The following PLPP1 variants were observed in gnomAD, a reference collection of about 807,000 sequenced individuals.
PLPP1 encodes the protein phospholipid phosphatase 1, also known as lipid phosphate phosphohydrolase 1a.
Under a neutral mutation model 31.2 loss-of-function variants are expected in PLPP1, and 24 were observed. The observed-to-expected ratio is 0.77, with a 90% confidence interval of 0.56 to 1.08. The LOEUF (loss-of-function observed/expected upper bound fraction) is 1.08, where lower values mean the gene tolerates loss of function less well. PLPP1 is among the 50% of genes least tolerant of loss of function. PLPP1 has a pLI of 0.00. For synonymous variants in PLPP1, 146 were observed against 126.3 expected (o/e 1.16, Z -1.05); for missense variants, 319 against 342.7 (o/e 0.93, Z 0.55).
intron 1 of PLPP1, among the ~76,000 whole-genome samples, chr5:55,534,365 C>G (rs1740800508): frequency 6.6e-6 from 1 of 152,202 alleles, no homozygotes; most frequent in African/African-American, 2.4e-5. Flanking sequence ...GCTCATCGCA[C>G]CGGCGGGCGA....
intron 1 of PLPP1, among the ~76,000 whole-genome samples, chr5:55,512,223 CA>C (rs1346334994): frequency 1.3e-5 from 2 of 151,890 alleles, no homozygotes; most frequent in Non-Finnish European, 2.9e-5. Context: ...ATAATCCCAG[CA>C]ATTTGGGAGG....
rs1338353803 is a variant in PLPP1, at chr5:55,534,659, G to A, written c.-30C>T. The stretch of plus-strand genomic sequence containing the variant: ...TCTGCCCGGGCTGCCCGGCAAGGGC[G>A]ATGGACTGAGCTGCGGGACGGCGGC... On this transcript the variant is annotated 5_prime_UTR_variant, in exon 1 of 6. Coordinates refer to ENST00000307259, the MANE Select transcript of PLPP1 (RefSeq NM_003711.4). 1 of 1,529,962 alleles carries A rather than the reference G, an allele frequency of 6.5e-7. No individual in the cohort carries two copies. The highest frequency in any genetic ancestry group is 1.4e-5 in the African/African-American group (1 of 70,250). The allele number at this position is 1,529,962 out of a possible 1,614,324, so 94.8% of individuals were successfully genotyped here. A position where few individuals can be genotyped will look rare whatever the true frequency, so the allele number is the denominator to read the frequency against.
intron 1 of PLPP1, among the ~76,000 whole-genome samples, 188 bp downstream of exon 1, chr5:55,534,384 G>T (rs1430103101): frequency 6.6e-6 from 1 of 152,238 alleles, no homozygotes; most frequent in Admixed American, 6.5e-5. Flanking sequence ...GACAGACAGC[G>T]GCGGGCACGC....
chr5:55,485,591 GA>G (rs11357647), intron 1 of PLPP1, among the ~76,000 whole-genome samples: 128,191 of 151,916 alleles, frequency 0.84, 54,473 homozygotes, highest in South Asian at 0.92. Flanking sequence ...TCAGGTATAT[GA>G]AAAATGAAAA....
intron 3 of PLPP1, among the ~76,000 whole-genome samples, chr5:55,466,574 G>A (rs572554230): frequency 2.6e-5 from 4 of 151,990 alleles, no homozygotes; most frequent in East Asian, 1.9e-4. Flanking sequence ...ATGGTGGCAC[G>A]TGCCTGTAGT....
At chr5:55,427,953 TTGTC>T (rs1358454107) in intron 4 of PLPP1, among the ~76,000 whole-genome samples, 4 of 151,888 alleles carry the variant, frequency 2.6e-5, no homozygotes, top group Non-Finnish European at 4.4e-5. Context: ...TCCCAGGTAA[TTGTC>T]TGTATTTTTA....
rs35404645 is a variant in PLPP1, at chr5:55,442,651, C to CAAA, written c.492-746_492-744dup. On this transcript the variant is annotated intron_variant, in intron 3 of 5. Coordinates refer to ENST00000307259, the MANE Select transcript of PLPP1 (RefSeq NM_003711.4). ...TGGGTGACAGAGGGAGACGCCATCT[C>CAAA]AAAAAAAAAAAAATTTGGTGTTTTA... 1.7e-3 allele frequency among the ~76,000 whole-genome samples: 246 copies of CAAA among 145,102 alleles called. 3 individuals are homozygous for CAAA. Among genetic ancestry groups the CAAA allele is most frequent in the South Asian group, 9.6e-3 (43 of 4,458 alleles).
intron 1 of PLPP1, chr5:55,491,188 T>C: frequency 2.0e-6 from 3 of 1,489,308 alleles, no homozygotes; most frequent in Admixed American, 2.0e-5. Flanking sequence ...GTCTACTGAA[T>C]GGGATGCAAA....
At chr5:55,496,110 G>A (rs1346029548) in intron 1 of PLPP1, among the ~76,000 whole-genome samples, 2 of 151,928 alleles carry the variant, frequency 1.3e-5, no homozygotes, top group Non-Finnish European at 2.9e-5. Flanking sequence ...CACCTGCCTC[G>A]GCCTCCCAAA....
At chr5:55,487,031 G>C (rs1362924875) in intron 1 of PLPP1, among the ~76,000 whole-genome samples, 1 of 152,096 alleles carries the variant, frequency 6.6e-6, no homozygotes, top group Non-Finnish European at 1.5e-5. Context: ...CACAAACATT[G>C]GCTATACTGT....
intron 4 of PLPP1, among the ~76,000 whole-genome samples, chr5:55,440,804 C>T (rs921777805): frequency 3.3e-5 from 5 of 152,092 alleles, no homozygotes; most frequent in Admixed American, 6.6e-5. Context: ...TTAGTTTACC[C>T]TTAATGTTAC....
chr5:55,525,169 G>A (rs1451194561), intron 1 of PLPP1, among the ~76,000 whole-genome samples: 1 of 152,150 alleles, frequency 6.6e-6, no homozygotes, highest in Non-Finnish European at 1.5e-5. Context: ...ACTAGTTGAT[G>A]TTATTTCTAC....
chr5:55,529,013 G>A (rs923196851), intron 1 of PLPP1, among the ~76,000 whole-genome samples: 1 of 151,972 alleles, frequency 6.6e-6, no homozygotes, highest in African/African-American at 2.4e-5. Context: ...TTATATCTGA[G>A]AATAAGAAAT....
In PLPP1 at chr5:55,443,212, T is replaced by C. The variant is rs7356788; in HGVS notation, c.492-1304A>G. ...AAAAAAATATATATATATATATATA[T>C]ACACACACACACACACACACACATA... is the stretch of plus-strand genomic sequence containing the variant. On this transcript the variant is annotated intron_variant, in intron 3 of 5. Coordinates refer to ENST00000307259, the MANE Select transcript of PLPP1 (RefSeq NM_003711.4). 7.9e-3 allele frequency among the ~76,000 whole-genome samples: 826 copies of C among 104,974 alleles called. 13 individuals are homozygous for C. The highest frequency in any genetic ancestry group is 0.029 in the East Asian group (106 of 3,718). 68.9% of individuals were successfully genotyped at this position (104,974 alleles called of 152,430 possible). A position where few individuals can be genotyped will look rare whatever the true frequency, so the allele number is the denominator to read the frequency against.
chr5:55,508,207 G>A (rs1428232400), intron 1 of PLPP1, among the ~76,000 whole-genome samples: 1 of 152,046 alleles, frequency 6.6e-6, no homozygotes, highest in African/African-American at 2.4e-5. Context: ...CCTCCCCAAA[G>A]GGACCCAGGG....
chr5:55,515,981 C>T (rs941690906), intron 1 of PLPP1, among the ~76,000 whole-genome samples: 2 of 152,162 alleles, frequency 1.3e-5, no homozygotes, highest in African/African-American at 4.8e-5. Context: ...ACTTACATGC[C>T]CCAAACCAAA....
intron 1 of PLPP1, among the ~76,000 whole-genome samples, chr5:55,483,601 G>A (rs1231109173): frequency 6.6e-6 from 1 of 151,176 alleles, no homozygotes; most frequent in African/African-American, 2.4e-5. Flanking sequence ...AAACCCAGGA[G>A]GCAGAGGTTG....
chr5:55,500,761 T>C lies in PLPP1; in HGVS notation c.59-25311A>G, dbSNP rs1202963687. On this transcript the variant is annotated intron_variant, in intron 1 of 5. Transcript: ENST00000307259. ...CAAGGCCAGAGGCAAGAAATACCAG[T>C]GTATATGAGAGATGTTAAGGGCCTG... Among the ~76,000 whole-genome samples the C allele has an allele frequency of 2.0e-5, 3 of 152,002 alleles. No homozygotes were observed. The East Asian group carries it at 5.8e-4, about 29-fold the overall frequency.
intron 1 of PLPP1, among the ~76,000 whole-genome samples, chr5:55,487,872 T>C (rs924364590): frequency 6.6e-6 from 1 of 152,192 alleles, no homozygotes; most frequent in Non-Finnish European, 1.5e-5. Context: ...CTCACGCCTG[T>C]AATCCCAGCA....
Sources: gnomAD v4.1 joint callset for allele counts (sites outside exome capture counted in the v4.1 genomes callset) on GRCh38, gnomAD v4.1.1 for gene constraint, MANE v1.5 for transcripts, NCBI Gene and HGNC (gene_info 2026-07-23, HGNC 2026-07-21) for gene names.